The following MMP7 variants were observed in gnomAD, a reference collection of about 807,000 sequenced individuals.
The protein encoded by MMP7 is matrilysin.
In MMP7, 26 loss-of-function variants were observed where a neutral mutation model predicts 31.5. That is an observed-to-expected ratio of 0.83 (90% confidence interval 0.61 to 1.15). The LOEUF is 1.15. Among genes scored for constraint, MMP7 ranks in the 50% most tolerant of loss-of-function variants. The probability of loss-of-function intolerance (pLI) is 0.00; values close to 1 mark genes in which losing one functional copy is unlikely to be tolerated. For synonymous variants in MMP7, 142 were observed against 124.2 expected, an observed-to-expected ratio of 1.14 and a Z score of -0.95; for missense variants, 367 against 326.5, an observed-to-expected ratio of 1.12 and a Z score of -0.96.
At chr11:102,525,108 T>C in intron 3 of MMP7, 44 bp from the exon 4 acceptor site, 1 of 1,570,120 alleles carries the variant, frequency 6.4e-7, no homozygotes, top group Non-Finnish European at 8.6e-7. Context: ...TGATTTTTTT[T>C]TTCTCCAGTC....
intron 1 of MMP7, among the ~76,000 whole-genome samples, chr11:102,529,147 G>C (rs1009267625): frequency 6.6e-6 from 1 of 152,154 alleles, no homozygotes; most frequent in Non-Finnish European, 1.5e-5. Context: ...GGAGTAGATG[G>C]TAATGGTTAC....
chr11:102,522,219 T>C (rs1432551627), intron 5 of MMP7, among the ~76,000 whole-genome samples: 2 of 152,232 alleles, frequency 1.3e-5, no homozygotes, highest in Non-Finnish European at 2.9e-5. Context: ...AAATGCTAGG[T>C]TGAACTGATA....
At chr11:102,526,564 A>G (rs970504342) in intron 3 of MMP7, among the ~76,000 whole-genome samples, 4 of 152,132 alleles carry the variant, frequency 2.6e-5, no homozygotes, top group African/African-American at 9.7e-5. Context: ...GTTCTTTAAT[A>G]TGAAAGTTTC....
At position 102,530,722 on chromosome 11, in the gene MMP7, G is replaced by A. The variant is rs755384358; in HGVS notation, c.-22C>T. 2.5e-6 allele frequency: 4 copies of A among 1,604,974 alleles called. No individual in the cohort carries two copies. The highest frequency in any genetic ancestry group is 1.7e-5 in the Admixed American group (1 of 59,790). On this transcript the variant is annotated 5_prime_UTR_variant, in exon 1 of 6. Coordinates refer to ENST00000260227, the MANE Select transcript of MMP7 (RefSeq NM_002423.5). ...GCATAGCTGCCGTCCAGAGACAATTGTTCTTGGACCTATGGTTGATTTGGT... is the reference window on the plus strand; with the variant it reads ...GCATAGCTGCCGTCCAGAGACAATTATTCTTGGACCTATGGTTGATTTGGT...
In MMP7 at chr11:102,527,513, ATCTT is replaced by A; in HGVS notation, c.484+7_484+10del. The A allele has an allele frequency of 1.2e-6, 2 of 1,614,152 alleles. No individual in the cohort carries two copies. The highest frequency in any genetic ancestry group is 8.5e-7 in the Non-Finnish European group (1 of 1,179,990). ...CAGGACACAGGATTAGCCTACAGGA[ATCTT>A]TCTTACCTCCTCGCGCAAAGCCAAT... On this transcript the variant is annotated splice_region_variant and intron_variant, in intron 3 of 5. Transcript: ENST00000260227.
At chr11:102,527,408 C>T in intron 3 of MMP7, 116 bp downstream of exon 3, 1 of 1,223,656 alleles carries the variant, frequency 8.2e-7, no homozygotes, top group East Asian at 2.3e-5. Flanking sequence ...TATTAACTAT[C>T]TATCTACCAA....
In MMP7 at chr11:102,523,310, G is replaced by T; in HGVS notation, c.705C>A (p.Thr235=). Residue 235 remains threonine, a synonymous_variant, in exon 5 of 6, where the codon ACC becomes ACA. Transcript: ENST00000260227. ...SSDPNAVMYP[T]YGNGDPQNFK... The stretch of plus-strand genomic sequence containing the variant: ...AATTTTGGGGATCTCCATTTCCATA[G>T]GTTGGATACATCACTGCATTAGGAT... The T allele has an allele frequency of 6.2e-7, 1 of 1,612,846 alleles. No homozygotes were observed. The highest frequency in any genetic ancestry group is 1.1e-5 in the South Asian group (1 of 90,884).
chr11:102,529,973 C>T (rs1000079990), intron 1 of MMP7, among the ~76,000 whole-genome samples: 1 of 152,130 alleles, frequency 6.6e-6, no homozygotes, highest in Non-Finnish European at 1.5e-5. Flanking sequence ...TACTAGAATA[C>T]CCCATGAGGT....
intron 4 of MMP7, chr11:102,524,126 C>T (rs1858643138): frequency 6.6e-6 from 1 of 152,122 alleles, no homozygotes; most frequent in Non-Finnish European, 1.5e-5. Context: ...AAGGAAGCTG[C>T]CTTTAACCTA....
Position 102,527,606 on chromosome 11 carries a change from G to C in MMP7, c.402C>G (p.Asn134Lys). 1 of 1,614,142 alleles carries C rather than the reference G, an allele frequency of 6.2e-7. No homozygotes were observed. The highest frequency in any genetic ancestry group is 8.5e-7 in the Non-Finnish European group (1 of 1,180,004). The change falls in exon 3 of 6, where the codon AAC becomes AAG. Residue 134 changes from asparagine (N) to lysine (K), a missense_variant. Coordinates refer to ENST00000260227, the MANE Select transcript of MMP7 (RefSeq NM_002423.5). ...TVDRLVSKALNMWGKEIPLHF... is the reference protein window; with the variant it reads ...TVDRLVSKALKMWGKEIPLHF... ...GCAGGGGGATCTCTTTGCCCCACATGTTTAAAGCCTTTGACACTAATCGAT... is the reference window on the plus strand; with the variant it reads ...GCAGGGGGATCTCTTTGCCCCACATCTTTAAAGCCTTTGACACTAATCGAT...
At position 102,527,528 on chromosome 11, in the gene MMP7, T is replaced by C. The variant is rs1858684930; in HGVS notation, c.480A>G (p.Arg160=). The C allele has an allele frequency of 6.2e-7, 1 of 1,614,176 alleles. No individual in the cohort carries two copies. Among genetic ancestry groups the C allele is most frequent in the Non-Finnish European group, 8.5e-7 (1 of 1,180,008 alleles). Residue 160 remains arginine, a synonymous_variant, in exon 3 of 6, where the codon CGA becomes CGG. Transcript: ENST00000260227. ...GCCTACAGGAATCTTTCTTACCTCC[T>C]CGCGCAAAGCCAATCATGATGTCAG... The part of the protein sequence containing the change: ...GTADIMIGFA[R]GAHGDSYPFD...
intron 3 of MMP7, 81 bp from the exon 4 acceptor site, chr11:102,525,145 T>C (rs962840316): frequency 3.3e-6 from 5 of 1,508,446 alleles, no homozygotes; most frequent in Non-Finnish European, 4.4e-6. Flanking sequence ...TATACGATTA[T>C]TGAGGCTAGA....
Position 102,524,917 on chromosome 11 carries a change from G to A in MMP7, c.613+19C>T. 6.2e-7 allele frequency: 1 copy of A among 1,606,374 alleles called. No homozygotes were observed. The highest frequency in any genetic ancestry group is 2.2e-5 in the East Asian group (1 of 44,636). On this transcript the variant is annotated intron_variant, in intron 4 of 5. Coordinates refer to ENST00000260227, the MANE Select transcript of MMP7 (RefSeq NM_002423.5). ...ATTTTAAAACGGATGTGGAGTAGAAGAGACATGAGATGCTATACCTAGACT... is the reference window on the plus strand; with the variant it reads ...ATTTTAAAACGGATGTGGAGTAGAAAAGACATGAGATGCTATACCTAGACT...
At chr11:102,523,931 C>T (rs552346229) in intron 4 of MMP7, among the ~76,000 whole-genome samples, 4 of 152,110 alleles carry the variant, frequency 2.6e-5, no homozygotes, top group Non-Finnish European at 1.5e-5. Context: ...TTTGAGAAAG[C>T]GAAGATTGAA....
Position 102,520,588 on chromosome 11 carries a change from A to G in MMP7, c.*188T>C, listed in dbSNP as rs1858601469. ...ATCTACCCACTGCAAGTATAGATGA[A>G]TAAGACACAGTCACACCATAAAGGA... On this transcript the variant is annotated 3_prime_UTR_variant, in exon 6 of 6. Transcript: ENST00000260227. 3.9e-6 allele frequency: 2 copies of G among 508,090 alleles called. No individual in the cohort carries two copies. Among genetic ancestry groups the G allele is most frequent in the African/African-American group, 1.9e-5 (1 of 52,258 alleles). 31.5% of individuals were successfully genotyped at this position (508,090 alleles called of 1,614,324 possible).
chr11:102,520,665 AG>A lies in MMP7; in HGVS notation c.*110del, dbSNP rs17879370. ...ATTCAAAAACCAACTGCAATAAAAA[AG>A]GGTGACATAATTGCTAAATGGAGTG... On this transcript the variant is annotated 3_prime_UTR_variant, in exon 6 of 6. Transcript: ENST00000260227. 2,842 of 838,388 alleles carry A rather than the reference AG, an allele frequency of 3.4e-3. 14 individuals carry two copies. The highest frequency in any genetic ancestry group is 3.0e-3 in the Non-Finnish European group (1,623 of 543,194). The allele number at this position is 838,388 out of a possible 1,614,324, so 51.9% of individuals were successfully genotyped here.
At position 102,530,593 on chromosome 11, in the gene MMP7, C is replaced by T. The variant is rs1289404324; in HGVS notation, c.108G>A (p.Gln36=). The change falls in exon 1 of 6, where the codon CAG becomes CAA. Residue 36 remains glutamine, a splice_region_variant and synonymous_variant. Transcript: ENST00000260227. ...GMSELQWEQA[Q]DYLKRFYLYD... The stretch of plus-strand genomic sequence containing the variant: ...CCTAAGTAAGTGGGCTGTGACATAC[C>T]TGAGCCTGTTCCCACTGTAGCTCAC... 1 of 1,612,642 alleles carries T rather than the reference C, an allele frequency of 6.2e-7. No homozygotes were observed. Among genetic ancestry groups the T allele is most frequent in the Admixed American group, 1.7e-5 (1 of 60,018 alleles).
intron 5 of MMP7, 132 bp from the exon 6 acceptor site, chr11:102,520,936 GA>G (rs17880780): frequency 0.21 from 128,599 of 615,406 alleles, 14,980 homozygotes; most frequent in African/African-American, 0.31. Context: ...TTGTCCCTGG[GA>G]CAAAGATTCT....
chr11:102,527,541 A>T lies in MMP7; in HGVS notation c.467T>A (p.Ile156Asn), dbSNP rs779256501. 1.2e-6 allele frequency: 2 copies of T among 1,614,106 alleles called. No homozygotes were observed. The highest frequency in any genetic ancestry group is 1.7e-6 in the Non-Finnish European group (2 of 1,180,040). ...KVVWGTADIM[I>N]GFARGAHGDS... ...TTTCTTACCTCCTCGCGCAAAGCCAATCATGATGTCAGCAGTTCCCCATAC... is the reference window on the plus strand; with the variant it reads ...TTTCTTACCTCCTCGCGCAAAGCCATTCATGATGTCAGCAGTTCCCCATAC... The change falls in exon 3 of 6, where the codon ATT (isoleucine) becomes AAT (asparagine). Residue 156 changes from isoleucine to asparagine, a missense_variant. By Grantham distance (149) the Ile-to-Asn change is moderately radical (BLOSUM62 -3). Transcript: ENST00000260227.
Sources: allele counts gnomAD v4.1 joint callset (sites outside exome capture counted in the v4.1 genomes callset), GRCh38; gene constraint gnomAD v4.1.1; transcripts MANE v1.5; gene names NCBI Gene and HGNC (gene_info 2026-07-23, HGNC 2026-07-21).